The following ZC3H12B variants were observed in gnomAD, a reference collection of about 807,000 sequenced individuals.
ZC3H12B encodes zinc finger CCCH-type containing 12B.
ZC3H12B carries 7 observed loss-of-function variants against 43.9 expected under a neutral mutation model. That is an observed-to-expected ratio of 0.16 (90% CI 0.09 to 0.30). The LOEUF (loss-of-function observed/expected upper bound fraction) is 0.30. Among genes scored for constraint, ZC3H12B ranks in the 10% least tolerant of loss-of-function variants. The probability of loss-of-function intolerance (pLI) is 1.00; values close to 1 mark genes in which losing one functional copy is unlikely to be tolerated. For missense variants in ZC3H12B, 475 were observed against 670.2 expected, an observed-to-expected ratio of 0.71 and a Z score of 3.22; for synonymous variants, 222 against 241.7, an observed-to-expected ratio of 0.92 and a Z score of 0.76.
the ZC3H12B span, among the ~76,000 whole-genome samples, chrX:65,088,869 G>C: frequency 9.0e-6 from 1 of 111,359 alleles, no homozygotes; most frequent in Non-Finnish European, 1.9e-5. Context: ...GTTTACTATT[G>C]TATGTGATTC....
the ZC3H12B span, among the ~76,000 whole-genome samples, chrX:65,187,757 G>GA: frequency 9.3e-6 from 1 of 107,674 alleles, no homozygotes; most frequent in Non-Finnish European, 1.9e-5. Flanking sequence ...AATCACATTA[G>GA]AATACATGGG....
chrX:65,143,900 T>G, the ZC3H12B span, among the ~76,000 whole-genome samples: 1 of 110,924 alleles, frequency 9.0e-6, no homozygotes, highest in Non-Finnish European at 1.9e-5. Flanking sequence ...TTTTTGGATT[T>G]GGTTAGCTAG....
chrX:65,438,320 G>C (rs1233357960), intron 3 of ZC3H12B, among the ~76,000 whole-genome samples: 1 of 111,696 alleles, frequency 9.0e-6, no homozygotes, highest in Non-Finnish European at 1.9e-5. Flanking sequence ...ATGTAGTATG[G>C]ACATTTTCAC....
At chrX:65,071,325 A>G in the ZC3H12B span, among the ~76,000 whole-genome samples, 1 of 86,151 alleles carries the variant, frequency 1.2e-5, no homozygotes, top group Non-Finnish European at 2.2e-5. Flanking sequence ...ATTTTTCTCC[A>G]TCCTTCATTT....
intron 3 of ZC3H12B, among the ~76,000 whole-genome samples, chrX:65,406,822 G>T (rs1425665138): frequency 8.9e-6 from 1 of 112,715 alleles, no homozygotes; most frequent in Non-Finnish European, 1.9e-5. Context: ...CCCTCGCACG[G>T]CCGGGCGGGA....
intron 3 of ZC3H12B, among the ~76,000 whole-genome samples, chrX:65,406,601 G>GCTGGGCGGGA (rs2066827450): frequency 1.1e-5 from 1 of 94,734 alleles, no homozygotes; most frequent in African/African-American, 4.0e-5. Context: ...GCTGGGCGGG[G>GCTGGGCGGGA]CTGGGCGGGG....
chrX:65,145,601 G>T, the ZC3H12B span, among the ~76,000 whole-genome samples: 1 of 111,477 alleles, frequency 9.0e-6, no homozygotes, highest in African/African-American at 3.3e-5. Flanking sequence ...TGAGATTTAT[G>T]CTTTAAAGAA....
the ZC3H12B span, among the ~76,000 whole-genome samples, chrX:65,104,914 A>G: frequency 1.8e-5 from 2 of 111,771 alleles, no homozygotes; most frequent in African/African-American, 3.3e-5. Flanking sequence ...GTATATACCC[A>G]AAGGATTATA....
chrX:65,211,702 A>T, the ZC3H12B span, among the ~76,000 whole-genome samples: 3 of 88,091 alleles, frequency 3.4e-5, no homozygotes, highest in Admixed American at 3.2e-4. Context: ...ATTATATAAT[A>T]TATAATATAT....
the ZC3H12B span, among the ~76,000 whole-genome samples, chrX:65,295,174 A>G: frequency 2.7e-5 from 3 of 111,287 alleles, no homozygotes; most frequent in Non-Finnish European, 5.7e-5. Context: ...ACAGTGGAAT[A>G]AAATTTAAGA....
chrX:65,083,763 T>G, the ZC3H12B span, among the ~76,000 whole-genome samples: 1 of 111,742 alleles, frequency 8.9e-6, no homozygotes, highest in Non-Finnish European at 1.9e-5. Context: ...ATCCTAAATT[T>G]TATGTGGCAT....
exon 5 of ZC3H12B, chrX:65,503,183 G>T: frequency 8.3e-7 from 1 of 1,208,365 alleles, no homozygotes; most frequent in Non-Finnish European, 1.1e-6. Context: ...AGCCTTGATT[G>T]TTGCTAAGCT....
At chrX:65,164,276 C>A in the ZC3H12B span, among the ~76,000 whole-genome samples, 1 of 111,108 alleles carries the variant, frequency 9.0e-6, no homozygotes, top group South Asian at 3.8e-4. Flanking sequence ...TGCACTGAGT[C>A]AGTTACTGGG....
chrX:65,431,522 A>T (rs1424260599), intron 3 of ZC3H12B, among the ~76,000 whole-genome samples: 1 of 112,355 alleles, frequency 8.9e-6, no homozygotes, highest in East Asian at 2.8e-4. Flanking sequence ...TTTGTTTATG[A>T]GCCCAATGGG....
the ZC3H12B span, among the ~76,000 whole-genome samples, chrX:65,321,744 G>T: frequency 9.1e-6 from 1 of 109,655 alleles, no homozygotes; most frequent in African/African-American, 3.3e-5. Context: ...CCTTTGCAGG[G>T]ACATGGATGG....
At chrX:65,183,756 C>T in the ZC3H12B span, among the ~76,000 whole-genome samples, 1 of 111,333 alleles carries the variant, frequency 9.0e-6, no homozygotes, top group African/African-American at 3.3e-5. Context: ...GTACTTATCC[C>T]TATTGTTCAT....
the ZC3H12B span, among the ~76,000 whole-genome samples, chrX:65,134,708 C>T: frequency 2.7e-5 from 3 of 111,462 alleles, no homozygotes; most frequent in African/African-American, 9.8e-5. Context: ...GTCTTCGGCA[C>T]CAAATGTCAC....
chrX:65,089,893 G>T, the ZC3H12B span, among the ~76,000 whole-genome samples: 1 of 111,303 alleles, frequency 9.0e-6, no homozygotes, highest in Non-Finnish European at 1.9e-5. Flanking sequence ...CCACTGGAAG[G>T]TCTTCAGGGA....
chrX:65,158,490 T>A, the ZC3H12B span, among the ~76,000 whole-genome samples: 3 of 112,116 alleles, frequency 2.7e-5, no homozygotes, highest in Non-Finnish European at 5.6e-5. Flanking sequence ...GGTATGTCAT[T>A]GTGGTTTTGA....
Sources: allele counts gnomAD v4.1 joint callset (sites outside exome capture counted in the v4.1 genomes callset), GRCh38; gene constraint gnomAD v4.1.1; transcripts MANE v1.5; gene names NCBI Gene and HGNC (gene_info 2026-07-23, HGNC 2026-07-21).